ANKHD1: variants seen among roughly 807,000 people sequenced by gnomAD.
The protein encoded by ANKHD1 is ankyrin repeat and KH domain-containing protein 1.
ANKHD1 carries 31 observed loss-of-function variants against 230.5 expected under a neutral mutation model. The observed-to-expected ratio is 0.13, with a 90% CI of 0.10 to 0.18. The LOEUF is 0.18. ANKHD1 is among the 10% of genes least tolerant of loss of function. The pLI is 1.00. For synonymous variants in ANKHD1, 1,074 were observed against 1,117.6 expected (o/e 0.96, Z 0.78); for missense variants, 2,256 against 3,071.3 (o/e 0.73, Z 6.27).
At chr5:140,466,087 A>C (rs1214879899) in intron 10 of ANKHD1, among the ~76,000 whole-genome samples, 1 of 152,088 alleles carries the variant, frequency 6.6e-6, no homozygotes, top group Non-Finnish European at 1.5e-5. Context: ...ACCTGTTGGG[A>C]GTTCTTCTAA....
chr5:140,531,432 A>G, intron 29 of ANKHD1: 1 of 271,738 alleles, frequency 3.7e-6, no homozygotes, highest in Non-Finnish European at 7.4e-6. Flanking sequence ...AATATAAAAA[A>G]TAGCCAGGCA....
intron 14 of ANKHD1, among the ~76,000 whole-genome samples, chr5:140,494,149 T>G (rs1457084612): frequency 1.3e-5 from 2 of 152,228 alleles, no homozygotes; most frequent in African/African-American, 4.8e-5. Flanking sequence ...TCTTTGCTAT[T>G]GCTGTGGATT....
chr5:140,448,414 G>C (rs1774454261), intron 6 of ANKHD1, among the ~76,000 whole-genome samples: 1 of 152,018 alleles, frequency 6.6e-6, no homozygotes, highest in South Asian at 2.1e-4. Context: ...GGAATTGCTG[G>C]GTCAAAGGGT....
chr5:140,458,200 G>A (rs187213087), intron 7 of ANKHD1, among the ~76,000 whole-genome samples: 46 of 152,124 alleles, frequency 3.0e-4, no homozygotes, highest in African/African-American at 9.2e-4. Context: ...GATGTAATAC[G>A]GTTTCTACAT....
At chr5:140,411,867 C>T (rs546257003) in intron 1 of ANKHD1, among the ~76,000 whole-genome samples, 1 of 148,970 alleles carries the variant, frequency 6.7e-6, no homozygotes, top group South Asian at 2.1e-4. Context: ...CCCGTTATGT[C>T]ACCCAAGCTG....
At chr5:140,456,792 C>A (rs1180088568) in intron 7 of ANKHD1, among the ~76,000 whole-genome samples, 2 of 152,174 alleles carry the variant, frequency 1.3e-5, no homozygotes, top group Non-Finnish European at 2.9e-5. Context: ...AGGACATAGG[C>A]TTGGGCAAGG....
chr5:140,416,000 A>G (rs1031306852), intron 1 of ANKHD1, among the ~76,000 whole-genome samples: 1 of 151,698 alleles, frequency 6.6e-6, no homozygotes, highest in African/African-American at 2.4e-5. Flanking sequence ...AAGTGTTCTC[A>G]TTGTTCAATT....
intron 1 of ANKHD1, among the ~76,000 whole-genome samples, chr5:140,421,931 A>G (rs553560845): frequency 6.6e-6 from 1 of 152,328 alleles, no homozygotes; most frequent in African/African-American, 2.4e-5. Context: ...ATATGATGAT[A>G]TAGTATCACG....
Position 140,436,219 on chromosome 5 carries a change from A to G in ANKHD1, c.422A>G (p.Glu141Gly). Reference protein sequence around the residue: ...EGADLRTVDPETQARLEALLE... With the variant: ...EGADLRTVDPGTQARLEALLE... ...GCAGACTTACGCACTGTGGATCCAG[A>G]GACACAGGCACGACTAGAAGCATTG... Residue 141 changes from glutamate to glycine, a missense_variant, in exon 2 of 34, where the codon GAG becomes GGG. This residue lies in a region of ANKHD1 where 206 missense variants were observed against 304.5 expected (regional missense o/e 0.68). Coordinates refer to ENST00000360839, the MANE Select transcript of ANKHD1 (RefSeq NM_017747.3). 1 of 1,598,424 alleles carries G rather than the reference A, an allele frequency of 6.3e-7. No homozygotes were observed. The highest frequency in any genetic ancestry group is 1.1e-5 in the South Asian group (1 of 87,658).
chr5:140,404,674 A>T (rs990039024), intron 1 of ANKHD1, among the ~76,000 whole-genome samples: 10 of 150,628 alleles, frequency 6.6e-5, no homozygotes, highest in African/African-American at 1.5e-4. Flanking sequence ...ACCTCAGGTG[A>T]TCGCCCTCTC....
chr5:140,402,115 G>C lies in ANKHD1; in HGVS notation c.148G>C (p.Ala50Pro), dbSNP rs374152319. The C allele has an allele frequency of 1.2e-5, 18 of 1,539,270 alleles. 1 individual carries two copies. The African/African-American group carries it at 2.4e-4, about 21-fold the overall frequency. Residue 50 changes from alanine (A) to proline (P), a missense_variant, in exon 1 of 34, where the codon GCC (alanine) becomes CCC (proline). Transcript: ENST00000360839. ...CCGCACCGTGAGGCTCTTTGGGGAG[G>C]CCGGGCCAGCGTCGGGAGTCGGCAG... Reference protein sequence around the residue: ...GIRTVRLFGEAGPASGVGSSG... With the variant: ...GIRTVRLFGEPGPASGVGSSG...
At chr5:140,472,549 T>A in intron 10 of ANKHD1, 2 of 925,926 alleles carry the variant, frequency 2.2e-6, no homozygotes, top group Non-Finnish European at 1.4e-6. Flanking sequence ...GATTTTCTTA[T>A]TCAGGTAGTT....
intron 10 of ANKHD1, among the ~76,000 whole-genome samples, chr5:140,480,016 T>C (rs1373762944): frequency 1.3e-5 from 2 of 151,932 alleles, no homozygotes; most frequent in Admixed American, 6.6e-5. Flanking sequence ...ACAGCAGGGC[T>C]AACCCATAGG....
intron 15 of ANKHD1, among the ~76,000 whole-genome samples, chr5:140,504,235 A>T (rs1752447106): frequency 6.6e-6 from 1 of 152,026 alleles, no homozygotes; most frequent in Non-Finnish European, 1.5e-5. Context: ...TTTTTTTAGT[A>T]GAGATGGGGT....
intron 5 of ANKHD1, among the ~76,000 whole-genome samples, chr5:140,441,367 A>G (rs1378049920): frequency 1.3e-5 from 2 of 152,348 alleles, no homozygotes; most frequent in East Asian, 3.9e-4. Context: ...TGGTATGAAC[A>G]TAATGGAATA....
intron 2 of ANKHD1, among the ~76,000 whole-genome samples, chr5:140,438,050 T>C (rs941883234): frequency 6.6e-6 from 1 of 152,200 alleles, no homozygotes; most frequent in Non-Finnish European, 1.5e-5. Context: ...AACAATTGAA[T>C]TGTTTGTTAC....
At chr5:140,496,468 T>C (rs376043980) in intron 14 of ANKHD1, 52 bp from the exon 15 acceptor site, 383 of 1,058,446 alleles carry the variant, frequency 3.6e-4, no homozygotes, top group African/African-American at 2.6e-3. Context: ...TTTCTTTTTT[T>C]TTTTTTTTTT....
At chr5:140,511,550 T>C (rs1752771253) in intron 22 of ANKHD1, among the ~76,000 whole-genome samples, 1 of 152,220 alleles carries the variant, frequency 6.6e-6, no homozygotes, top group African/African-American at 2.4e-5. Context: ...CTTACCCCAA[T>C]TTGTAATTAT....
intron 14 of ANKHD1, among the ~76,000 whole-genome samples, chr5:140,491,123 T>C (rs866771520): frequency 0.011 from 850 of 78,168 alleles, 7 homozygotes; most frequent in Non-Finnish European, 0.015. Context: ...CACACACATA[T>C]ATATATATAT....
Sources: allele counts gnomAD v4.1 joint callset (sites outside exome capture counted in the v4.1 genomes callset), GRCh38; gene constraint gnomAD v4.1.1; regional missense constraint gnomAD v4.1.1; transcripts MANE v1.5; gene names NCBI Gene and HGNC (gene_info 2026-07-23, HGNC 2026-07-21).